The following KLK6 variants were observed in gnomAD, a reference collection of about 807,000 sequenced individuals.
KLK6 encodes kallikrein-6.
KLK6 carries 16 observed loss-of-function variants against 21.7 expected under a neutral mutation model. The ratio of observed to expected loss-of-function variants is 0.74; its 90% CI spans 0.50 to 1.12. The LOEUF (loss-of-function observed/expected upper bound fraction) is 1.12, where lower values mean the gene tolerates loss of function less well. KLK6 is among the 50% of genes most tolerant of loss of function. The pLI, the probability that KLK6 is intolerant of heterozygous loss-of-function variation, is 0.00. For synonymous variants in KLK6, 116 were observed against 120.1 expected (o/e 0.97, Z 0.22); for missense variants, 276 against 304.6 (o/e 0.91, Z 0.70).
At chr19:50,959,589 T>C (rs550117649) in intron 6 of KLK6, among the ~76,000 whole-genome samples, 1 of 140,780 alleles carries the variant, frequency 7.1e-6, no homozygotes, top group South Asian at 2.4e-4. Flanking sequence ...CAGAGGAACA[T>C]AGAGAGCAAG....
In KLK6 at chr19:50,963,461, G is replaced by C; in HGVS notation, c.286C>G (p.Pro96Ala). 1 of 1,614,168 alleles carries C rather than the reference G, an allele frequency of 6.2e-7. No individual in the cohort carries two copies. The highest frequency in any genetic ancestry group is 1.1e-5 in the South Asian group (1 of 91,082). ...QSSVVRAVIH[P>A]DYDAASHDQD... The stretch of plus-strand genomic sequence containing the variant: ...TCATGGCTGGCGGCATCATAGTCAG[G>C]GTGGATCACAGCCCGGACAACAGAA... The change falls in exon 5 of 7, where the codon CCT becomes GCT. Residue 96 changes from proline to alanine, a missense_variant. Transcript: ENST00000310157.
chr19:50,959,241 A>G lies in KLK6; in HGVS notation c.658T>C (p.Ser220Pro). Reference sequence around the variant, plus strand: ...GTGTAGACTCCTGGCTTCTCCTTTGATCCACAGGGGATGTTACCCCATGAC... The same window carrying G: ...GTGTAGACTCCTGGCTTCTCCTTTGGTCCACAGGGGATGTTACCCCATGAC... ...LVSWGNIPCG[S>P]KEKPGVYTNV... The change falls in exon 7 of 7, where the codon TCA becomes CCA. Residue 220 changes from serine (S) to proline (P), a missense_variant. Coordinates refer to ENST00000310157, the MANE Select transcript of KLK6 (RefSeq NM_002774.4). 6.2e-7 allele frequency: 1 copy of G among 1,613,562 alleles called. No individual in the cohort carries two copies. Among genetic ancestry groups the G allele is most frequent in the Non-Finnish European group, 8.5e-7 (1 of 1,179,880 alleles).
rs2090762284 is a variant in KLK6 at position 50,959,111 on chromosome 19, C to T, written c.*53G>A. 1.2e-6 allele frequency: 2 copies of T among 1,605,948 alleles called. No individual in the cohort carries two copies. The highest frequency in any genetic ancestry group is 1.7e-6 in the Non-Finnish European group (2 of 1,173,622). ...AGGCAAGGTCTAGGTGAGAGACGTT[C>T]TGGAACCAGCCAGTGGGGTGGTAGG... On this transcript the variant is annotated 3_prime_UTR_variant, in exon 7 of 7. Transcript: ENST00000310157.
chr19:50,959,888 AGG>A (rs1162676564), intron 6 of KLK6, among the ~76,000 whole-genome samples: 2 of 46,158 alleles, frequency 4.3e-5, no homozygotes, highest in Admixed American at 2.0e-4. Flanking sequence ...GAGGAGGAGG[AGG>A]AAGAGGAGGA....
intron 5 of KLK6, chr19:50,962,130 C>A: frequency 2.4e-6 from 1 of 420,878 alleles, no homozygotes; most frequent in Non-Finnish European, 4.2e-6. Flanking sequence ...CTCCAGGAGT[C>A]CTCATTTCCT....
At chr19:50,964,123 G>A (rs1357422212) in intron 4 of KLK6, among the ~76,000 whole-genome samples, 1 of 152,064 alleles carries the variant, frequency 6.6e-6, no homozygotes, top group African/African-American at 2.4e-5. Context: ...CCAAACGCTG[G>A]CTTCCCTGTC....
chr19:50,960,447 C>T (rs1046818901), intron 6 of KLK6, among the ~76,000 whole-genome samples: 5 of 152,024 alleles, frequency 3.3e-5, no homozygotes, highest in African/African-American at 9.7e-5. Flanking sequence ...ATGGAGGAAA[C>T]CCAAGTTAAA....
chr19:50,959,092 G>C lies in KLK6; in HGVS notation c.*72C>G. 6.4e-7 allele frequency: 1 copy of C among 1,554,624 alleles called. No homozygotes were observed. On this transcript the variant is annotated 3_prime_UTR_variant, in exon 7 of 7. Coordinates refer to ENST00000310157, the MANE Select transcript of KLK6 (RefSeq NM_002774.4). Reference sequence around the variant, plus strand: ...CTGGGCAGGAGAGGAGGGGAGGCAAGGTCTAGGTGAGAGACGTTCTGGAAC... The same window carrying C: ...CTGGGCAGGAGAGGAGGGGAGGCAACGTCTAGGTGAGAGACGTTCTGGAAC...
intron 6 of KLK6, among the ~76,000 whole-genome samples, chr19:50,960,080 AGGAGGGGGAGGAGGATGG>A (rs1177822985): frequency 2.1e-5 from 1 of 46,986 alleles, no homozygotes; most frequent in Admixed American, 2.6e-4. Context: ...GAGGGGGAGG[AGGAGGGGGAGGAGGATGG>A]GGAGGGGGAG....
chr19:50,964,905 C>T (rs78353057), intron 4 of KLK6, among the ~76,000 whole-genome samples: 7,476 of 152,268 alleles, frequency 0.049, 240 homozygotes, highest in Middle Eastern at 0.082. Flanking sequence ...ATACTCAAGA[C>T]GGTTCTCACC....
intron 3 of KLK6, among the ~76,000 whole-genome samples, 189 bp from the exon 4 acceptor site, chr19:50,967,514 C>CACACACACACACACAG (rs2090945490): frequency 2.1e-5 from 3 of 142,764 alleles, no homozygotes; most frequent in Admixed American, 2.1e-4. Flanking sequence ...CTCATCTCCA[C>CACACACACACACACAG]ACACACACAC....
chr19:50,963,175 T>TCAATGGGAG (rs1164236135), intron 5 of KLK6, 127 bp downstream of exon 5: 6 of 1,329,288 alleles, frequency 4.5e-6, no homozygotes, highest in African/African-American at 4.4e-5. Context: ...ATTGAAACCC[T>TCAATGGGAG]GTCCCATTGG....
At chr19:50,963,608 G>C (rs1189732341) in intron 4 of KLK6, 59 bp from the exon 5 acceptor site, 7 of 1,594,262 alleles carry the variant, frequency 4.4e-6, no homozygotes, top group Non-Finnish European at 6.0e-6. Context: ...TGAGGCTTCA[G>C]AGAGGGCTGG....
At chr19:50,961,606 G>C (rs1490454874) in intron 6 of KLK6, 138 bp downstream of exon 6, 20 of 974,892 alleles carry the variant, frequency 2.1e-5, no homozygotes, top group Admixed American at 2.9e-5. Context: ...TCAAGGCTTG[G>C]GTTCTCCCTC....
intron 4 of KLK6, among the ~76,000 whole-genome samples, chr19:50,964,101 C>G (rs532520388): frequency 1.8e-4 from 28 of 152,266 alleles, no homozygotes; most frequent in African/African-American, 6.7e-4. Context: ...CCCTTCTCTC[C>G]CTCTGCTCCA....
chr19:50,963,284 C>G lies in KLK6; in HGVS notation c.445+18G>C. 6.2e-7 allele frequency: 1 copy of G among 1,603,784 alleles called. No individual in the cohort carries two copies. Among genetic ancestry groups the G allele is most frequent in the Non-Finnish European group, 8.5e-7 (1 of 1,172,208 alleles). Reference sequence around the variant, plus strand: ...AAGTAGCCAGTAGCCTGCTCCCCACCAGCCTCCCACTACTGACCATCTGCT... The same window carrying G: ...AAGTAGCCAGTAGCCTGCTCCCCACGAGCCTCCCACTACTGACCATCTGCT... On this transcript the variant is annotated intron_variant, in intron 5 of 6. Transcript: ENST00000310157.
chr19:50,968,039 C>T (rs377072636), intron 3 of KLK6, 26 bp downstream of exon 3: 1 of 1,610,660 alleles, frequency 6.2e-7, no homozygotes, highest in Non-Finnish European at 8.5e-7. Context: ...CTGCAAGCCT[C>T]CCCCATCCAA....
Position 50,963,457 on chromosome 19 carries a change from T to G in KLK6, c.290A>C (p.Asp97Ala). The change falls in exon 5 of 7, where the codon GAC becomes GCC. Residue 97 changes from aspartate (D) to alanine (A), a missense_variant. By Grantham distance (126) the Asp-to-Ala change is moderately radical. Coordinates refer to ENST00000310157, the MANE Select transcript of KLK6 (RefSeq NM_002774.4). ...CTGGTCATGGCTGGCGGCATCATAG[T>G]CAGGGTGGATCACAGCCCGGACAAC... ...SSVVRAVIHP[D>A]YDAASHDQDI... is the part of the protein sequence containing the mutation. 6.2e-7 allele frequency: 1 copy of G among 1,614,158 alleles called. No individual in the cohort carries two copies. The highest frequency in any genetic ancestry group is 2.2e-5 in the East Asian group (1 of 44,874).
At position 50,962,222 on chromosome 19, in the gene KLK6, C is replaced by A. The variant is rs1296520163; in HGVS notation, c.446-342G>T. The A allele has an allele frequency of 1.2e-5, 3 of 245,540 alleles. No homozygotes were observed. The Admixed American group carries it at 1.6e-4, about 13-fold the overall frequency. The allele number at this position is 245,540 out of a possible 1,614,324, so 15.2% of individuals were successfully genotyped here. ...CACCTTCTTCAGTAGTTTCAGTTGA[C>A]CTGGAGGACTCTTCCTCTGTTACGC... On this transcript the variant is annotated intron_variant, in intron 5 of 6. Coordinates refer to ENST00000310157, the MANE Select transcript of KLK6 (RefSeq NM_002774.4).
Sources: gnomAD v4.1 joint callset for allele counts (sites outside exome capture counted in the v4.1 genomes callset) on GRCh38, gnomAD v4.1.1 for gene constraint, MANE v1.5 for transcripts, NCBI Gene and HGNC (gene_info 2026-07-23, HGNC 2026-07-21) for gene names.